The following PPP6R3 variants were observed in gnomAD, a reference collection of about 807,000 sequenced individuals.
PPP6R3 encodes the protein serine/threonine-protein phosphatase 6 regulatory subunit 3.
In PPP6R3, 38 loss-of-function variants were observed where a neutral mutation model predicts 110.7. The observed-to-expected ratio is 0.34, with a 90% confidence interval of 0.26 to 0.45. The LOEUF (loss-of-function observed/expected upper bound fraction) is 0.45, where lower values mean the gene tolerates loss of function less well. PPP6R3 is among the 20% of genes least tolerant of loss of function. The pLI, the probability that PPP6R3 is intolerant of heterozygous loss-of-function variation, is 1.00. For missense variants in PPP6R3, 870 were observed against 1,062.4 expected (o/e 0.82, Z 2.52); for synonymous variants, 369 against 373.5 (o/e 0.99, Z 0.14).
At chr11:68,567,274 G>A (rs1246570573) in intron 10 of PPP6R3, 108 bp downstream of exon 10, 1 of 1,231,754 alleles carries the variant, frequency 8.1e-7, no homozygotes, top group South Asian at 1.9e-5. Context: ...ACTTTTCTTG[G>A]TCTGAGCATA....
chr11:68,566,402 C>T (rs1029603848), intron 9 of PPP6R3, among the ~76,000 whole-genome samples: 5 of 151,916 alleles, frequency 3.3e-5, no homozygotes, highest in African/African-American at 7.3e-5. Context: ...CACTCTTGCT[C>T]AGGCTGGAGT....
At chr11:68,607,164 T>C (rs981978457) in intron 22 of PPP6R3, among the ~76,000 whole-genome samples, 2 of 152,170 alleles carry the variant, frequency 1.3e-5, no homozygotes, top group Non-Finnish European at 2.9e-5. Flanking sequence ...AACTTAATAC[T>C]CTAAAATTTA....
chr11:68,591,575 G>T lies in PPP6R3; in HGVS notation c.1786-1G>T. On this transcript the variant is annotated splice_acceptor_variant, in intron 17 of 23. Coordinates refer to ENST00000393800, the MANE Select transcript of PPP6R3 (RefSeq NM_001164161.2). LOFTEE classifies it high-confidence loss of function. ...GTTTTTTTCCTCTCATTTTTATTTA[G>T]GGAAATATTGCCTTGTTTGAAGCAT... 6.3e-7 allele frequency: 1 copy of T among 1,584,192 alleles called. No individual in the cohort carries two copies. The highest frequency in any genetic ancestry group is 1.2e-5 in the South Asian group (1 of 85,318).
chr11:68,485,640 C>G (rs370766343), intron 1 of PPP6R3, among the ~76,000 whole-genome samples: 46 of 152,250 alleles, frequency 3.0e-4, no homozygotes, highest in African/African-American at 1.1e-3. Context: ...TTGATGTGAT[C>G]AGGTGAGTCT....
chr11:68,490,569 A>G (rs2098977504), intron 1 of PPP6R3, among the ~76,000 whole-genome samples: 1 of 151,638 alleles, frequency 6.6e-6, no homozygotes, highest in Non-Finnish European at 1.5e-5. Flanking sequence ...TTTTCCAGAT[A>G]TTACCATCAC....
At chr11:68,511,907 T>G (rs1390336406) in intron 1 of PPP6R3, among the ~76,000 whole-genome samples, 1 of 152,218 alleles carries the variant, frequency 6.6e-6, no homozygotes, top group African/African-American at 2.4e-5. Flanking sequence ...CTTTCTAGTT[T>G]GGACTGCTGG....
chr11:68,611,315 G>A (rs1276671484), intron 23 of PPP6R3, among the ~76,000 whole-genome samples: 1 of 152,188 alleles, frequency 6.6e-6, no homozygotes, highest in Non-Finnish European at 1.5e-5. Flanking sequence ...CCAGTTTGGG[G>A]CAGTTGCTTC....
intron 1 of PPP6R3, among the ~76,000 whole-genome samples, chr11:68,501,547 G>C (rs2099049011): frequency 6.6e-6 from 1 of 152,128 alleles, no homozygotes; most frequent in Non-Finnish European, 1.5e-5. Flanking sequence ...GGCTGGTCTT[G>C]AACTCCTGGC....
At position 68,571,020 on chromosome 11, in the gene PPP6R3, ATTCTTTTT is replaced by A; in HGVS notation, c.1279-17_1279-10del. 6.4e-7 allele frequency: 1 copy of A among 1,574,586 alleles called. No individual in the cohort carries two copies. Among genetic ancestry groups the A allele is most frequent in the Non-Finnish European group, 8.6e-7 (1 of 1,162,036 alleles). On this transcript the variant is annotated splice_polypyrimidine_tract_variant and intron_variant, in intron 11 of 23. Transcript: ENST00000393800. ...GATGCTTTGAAGTATTAACTGGAAT[ATTCTTTTT>A]TTTTTTTTCAGCTTTTCCAAAAATG...
chr11:68,541,163 G>A (rs1350059843), intron 3 of PPP6R3, among the ~76,000 whole-genome samples: 3 of 152,216 alleles, frequency 2.0e-5, no homozygotes, highest in Non-Finnish European at 2.9e-5. Flanking sequence ...ACTAATAAAT[G>A]TCTATGAAAT....
intron 10 of PPP6R3, among the ~76,000 whole-genome samples, chr11:68,568,125 A>G (rs1430953540): frequency 2.6e-5 from 4 of 152,064 alleles, no homozygotes; most frequent in Non-Finnish European, 4.4e-5. Context: ...GCTTTGGGTT[A>G]AATCAGTATA....
chr11:68,597,384 C>T (rs2099617138), intron 19 of PPP6R3, among the ~76,000 whole-genome samples: 1 of 152,152 alleles, frequency 6.6e-6, no homozygotes, highest in Admixed American at 6.5e-5. Flanking sequence ...GAGCGAAGGC[C>T]AGAGGCCAGA....
At position 68,576,017 on chromosome 11, in the gene PPP6R3, A is replaced by G. The variant is rs894325044; in HGVS notation, c.1519A>G (p.Thr507Ala). Residue 507 changes from threonine (T) to alanine (A), a missense_variant, in exon 14 of 24, where the codon ACT becomes GCT. Coordinates refer to ENST00000393800, the MANE Select transcript of PPP6R3 (RefSeq NM_001164161.2). Reference protein sequence around the residue: ...ETFCTSSLGETNKRNTVDLVT... With the variant: ...ETFCTSSLGEANKRNTVDLVT... ...GTTCTGCACAAGCTCCTTAGGAGAAACTAACAAGAGGAACACGGTAGATCT... is the reference window on the plus strand; with the variant it reads ...GTTCTGCACAAGCTCCTTAGGAGAAGCTAACAAGAGGAACACGGTAGATCT... The G allele has an allele frequency of 6.2e-7, 1 of 1,610,792 alleles. No individual in the cohort carries two copies. The highest frequency in any genetic ancestry group is 1.1e-5 in the South Asian group (1 of 90,700).
chr11:68,570,729 A>G (rs1028410657), intron 11 of PPP6R3, among the ~76,000 whole-genome samples: 4 of 152,214 alleles, frequency 2.6e-5, no homozygotes, highest in African/African-American at 7.2e-5. Context: ...CTCAGGTTTT[A>G]TATTTCTGTT....
In PPP6R3 at chr11:68,613,957, T is replaced by TC. The variant is rs1944668193; in HGVS notation, c.*841dup. 4 of 985,276 alleles carry TC rather than the reference T, an allele frequency of 4.1e-6. No homozygotes were observed. The African/African-American group carries it at 7.0e-5, about 17-fold the overall frequency. The allele number at this position is 985,276 out of a possible 1,614,324, so 61.0% of individuals were successfully genotyped here. Reference sequence around the variant, plus strand: ...TTGTTTTTTTGTTTCATTTGGTAGTTCATCTGCCTTTTAACCCATTCACCA... The same window carrying TC: ...TTGTTTTTTTGTTTCATTTGGTAGTTCCATCTGCCTTTTAACCCATTCACCA... On this transcript the variant is annotated 3_prime_UTR_variant, in exon 24 of 24. Transcript: ENST00000393800.
intron 1 of PPP6R3, among the ~76,000 whole-genome samples, chr11:68,476,281 C>T (rs374871141): frequency 1.8e-4 from 28 of 152,088 alleles, no homozygotes; most frequent in Non-Finnish European, 3.2e-4. Flanking sequence ...GCCAACACAG[C>T]GAAACCCCGT....
chr11:68,490,637 TC>T (rs1445712429), intron 1 of PPP6R3, among the ~76,000 whole-genome samples: 2 of 152,218 alleles, frequency 1.3e-5, no homozygotes, highest in African/African-American at 2.4e-5. Context: ...GTTTTTTTTT[TC>T]TTTTGTATTT....
At chr11:68,559,691 T>A (rs1275432578) in intron 8 of PPP6R3, among the ~76,000 whole-genome samples, 1 of 152,208 alleles carries the variant, frequency 6.6e-6, no homozygotes, top group African/African-American at 2.4e-5. Context: ...TGTTGTAGTT[T>A]GGGGGTTGTT....
chr11:68,534,774 G>T (rs2153634937), intron 2 of PPP6R3, among the ~76,000 whole-genome samples: 1 of 152,226 alleles, frequency 6.6e-6, no homozygotes, highest in African/African-American at 2.4e-5. Flanking sequence ...TTAAAAAAAG[G>T]TTTTGTGATT....
Sources: allele counts gnomAD v4.1 joint callset (sites outside exome capture counted in the v4.1 genomes callset), GRCh38; gene constraint gnomAD v4.1.1; transcripts MANE v1.5; gene names NCBI Gene and HGNC (gene_info 2026-07-23, HGNC 2026-07-21).